The following CRISPLD2 variants were observed in gnomAD, a reference collection of about 807,000 sequenced individuals.
CRISPLD2 encodes cysteine rich secretory protein LCCL domain containing 2, also known as cysteine-rich secretory protein LCCL domain-containing 2.
CRISPLD2 carries 47 observed loss-of-function variants against 71.1 expected under a neutral mutation model. The ratio of observed to expected loss-of-function variants is 0.66; its 90% CI spans 0.52 to 0.84. CRISPLD2 has a LOEUF of 0.84. Among genes scored for constraint, CRISPLD2 ranks in the 40% least tolerant of loss-of-function variants. The pLI, the probability that CRISPLD2 is intolerant of heterozygous loss-of-function variation, is 0.00. For synonymous variants in CRISPLD2, 317 were observed against 250.1 expected (o/e 1.27, Z -2.52); for missense variants, 830 against 651.1 (o/e 1.27, Z -2.99).
intron 12 of CRISPLD2, among the ~76,000 whole-genome samples, chr16:84,879,945 G>T (rs2071553878): frequency 6.6e-6 from 1 of 152,150 alleles, no homozygotes; most frequent in South Asian, 2.1e-4. Flanking sequence ...CCACCCAGGG[G>T]TCACCCATTT....
intron 13 of CRISPLD2, among the ~76,000 whole-genome samples, chr16:84,882,007 G>C (rs1026191754): frequency 6.6e-6 from 1 of 151,940 alleles, no homozygotes. Context: ...AAGTGATTCA[G>C]CTAAAATTGA....
chr16:84,840,018 C>CAAA (rs5818511), intron 2 of CRISPLD2: 8 of 134,612 alleles, frequency 5.9e-5, no homozygotes, highest in African/African-American at 1.9e-4. Flanking sequence ...GACCCTGTCT[C>CAAA]AAAAAAAAAA....
At chr16:84,902,525 G>T (rs1159956037) in intron 14 of CRISPLD2, among the ~76,000 whole-genome samples, 4 of 151,576 alleles carry the variant, frequency 2.6e-5, no homozygotes, top group Non-Finnish European at 5.9e-5. Flanking sequence ...CAGGAGAATG[G>T]CATGAACCCA....
chr16:84,890,394 C>T (rs1291793493), intron 14 of CRISPLD2, among the ~76,000 whole-genome samples: 2 of 151,664 alleles, frequency 1.3e-5, no homozygotes, highest in Non-Finnish European at 2.9e-5. Flanking sequence ...AAGCACTCTG[C>T]AAATGAGGGT....
At chr16:84,878,556 G>T (rs1045922484) in intron 12 of CRISPLD2, among the ~76,000 whole-genome samples, 1 of 152,206 alleles carries the variant, frequency 6.6e-6, no homozygotes, top group African/African-American at 2.4e-5. Context: ...CTGTGGATAC[G>T]TGACAACGGG....
intron 14 of CRISPLD2, among the ~76,000 whole-genome samples, chr16:84,901,178 C>T (rs1028994082): frequency 1.3e-5 from 2 of 152,028 alleles, no homozygotes; most frequent in Middle Eastern, 3.2e-3. Context: ...AGCAACAAAT[C>T]CCGAGATATA....
At chr16:84,885,275 A>G (rs1187526752) in intron 13 of CRISPLD2, among the ~76,000 whole-genome samples, 1 of 152,220 alleles carries the variant, frequency 6.6e-6, no homozygotes, top group African/African-American at 2.4e-5. Flanking sequence ...GCTCACGGCG[A>G]TTTTAGAGGA....
chr16:84,866,839 A>G lies in CRISPLD2; in HGVS notation c.710-58A>G. 5 of 1,533,274 alleles carry G rather than the reference A, an allele frequency of 3.3e-6. No individual in the cohort carries two copies. In the South Asian group the frequency reaches 4.6e-5, roughly 14 times the overall value. 95.0% of individuals were successfully genotyped at this position (1,533,274 alleles called of 1,614,324 possible). A position where few individuals can be genotyped will look rare whatever the true frequency, so the allele number is the denominator to read the frequency against. ...TTTCAAATTGCTTTTTTTTCCCCAA[A>G]GTGCGTTTTTGTTGAATCCCAGTGT... On this transcript the variant is annotated intron_variant, in intron 6 of 14. Transcript: ENST00000262424.
Position 84,849,101 on chromosome 16 carries a change from C to G in CRISPLD2, c.360-284C>G, listed in dbSNP as rs368307867. The G allele has an allele frequency of 7.7e-5, 27 of 350,534 alleles. 1 individual carries two copies. The highest frequency in any genetic ancestry group is 3.5e-4 in the East Asian group (7 of 20,056). The allele number at this position is 350,534 out of a possible 1,614,324, so 21.7% of individuals were successfully genotyped here. A position where few individuals can be genotyped will look rare whatever the true frequency, so the allele number is the denominator to read the frequency against. On this transcript the variant is annotated intron_variant, in intron 3 of 14. Transcript: ENST00000262424. ...TACTAGAGACCCCAGGTGAGCTCCT[C>G]AAGGATAATGGTATTAAGCACCTGT...
intron 5 of CRISPLD2, 55 bp downstream of exon 5, chr16:84,850,738 C>A: frequency 1.4e-6 from 2 of 1,386,446 alleles, no homozygotes; most frequent in South Asian, 1.2e-5. Flanking sequence ...GTTTGCTTGC[C>A]AGGGAGCACC....
chr16:84,903,678 G>A (rs1306994973), intron 14 of CRISPLD2, among the ~76,000 whole-genome samples: 4 of 151,932 alleles, frequency 2.6e-5, no homozygotes, highest in Non-Finnish European at 5.9e-5. Flanking sequence ...ATGGAGACTC[G>A]CGTCTGGAAG....
At chr16:84,861,155 T>C (rs915653218) in intron 6 of CRISPLD2, among the ~76,000 whole-genome samples, 38 of 152,142 alleles carry the variant, frequency 2.5e-4, no homozygotes, top group African/African-American at 9.2e-4. Context: ...CTCCATACTA[T>C]TAGAAGTAGA....
chr16:84,869,062 G>A, intron 8 of CRISPLD2, 151 bp downstream of exon 8: 1 of 660,692 alleles, frequency 1.5e-6, no homozygotes, highest in Non-Finnish European at 2.5e-6. Flanking sequence ...TTAGGGCTGG[G>A]CAGTGTCTGG....
At chr16:84,870,607 G>C (rs1175951292) in intron 8 of CRISPLD2, among the ~76,000 whole-genome samples, 1 of 152,162 alleles carries the variant, frequency 6.6e-6, no homozygotes, top group African/African-American at 2.4e-5. Context: ...GTGAGCCACT[G>C]CGCCTAGGCT....
At chr16:84,833,073 G>T (rs1916526258) in intron 1 of CRISPLD2, among the ~76,000 whole-genome samples, 1 of 152,182 alleles carries the variant, frequency 6.6e-6, no homozygotes, top group African/African-American at 2.4e-5. Flanking sequence ...CTTTAAACTA[G>T]CCACACAGTC....
At chr16:84,880,480 C>G in intron 12 of CRISPLD2, 29 bp from the exon 13 acceptor site, 3 of 1,591,666 alleles carry the variant, frequency 1.9e-6, no homozygotes, top group South Asian at 2.2e-5. Context: ...GTGCTCAGAC[C>G]CATCACATAA....
intron 2 of CRISPLD2, among the ~76,000 whole-genome samples, chr16:84,844,858 G>T (rs1157678459): frequency 6.6e-6 from 1 of 152,142 alleles, no homozygotes; most frequent in Non-Finnish European, 1.5e-5. Flanking sequence ...CCTGGGCTGG[G>T]CATCTTGTAG....
intron 2 of CRISPLD2, among the ~76,000 whole-genome samples, chr16:84,844,605 T>C (rs9745779): frequency 0.57 from 86,318 of 151,716 alleles, 24,835 homozygotes; most frequent in Non-Finnish European, 0.6. Context: ...TCAAGTGATC[T>C]GCCCGCCTCA....
At chr16:84,844,609 C>T (rs904311072) in intron 2 of CRISPLD2, among the ~76,000 whole-genome samples, 2 of 152,046 alleles carry the variant, frequency 1.3e-5, no homozygotes, top group South Asian at 2.1e-4. Context: ...GTGATCTGCC[C>T]GCCTCAGCCT....
Sources: gnomAD v4.1 joint callset for allele counts (sites outside exome capture counted in the v4.1 genomes callset) on GRCh38, gnomAD v4.1.1 for gene constraint, MANE v1.5 for transcripts, NCBI Gene and HGNC (gene_info 2026-07-23, HGNC 2026-07-21) for gene names.